Variants in DRC10 observed in about 807,000 individuals in gnomAD.
DRC10 encodes dynein regulatory complex subunit 10.
the DRC10 span, among the ~76,000 whole-genome samples, chr12:113,212,784 C>T: frequency 6.6e-6 from 1 of 152,144 alleles, no homozygotes; most frequent in Non-Finnish European, 1.5e-5. Context: ...TTCCTTGAAT[C>T]CTAATATGAT....
chr12:113,201,031 C>T, the DRC10 span, among the ~76,000 whole-genome samples: 2 of 151,970 alleles, frequency 1.3e-5, no homozygotes, highest in African/African-American at 4.8e-5. Context: ...CCCAGCTACT[C>T]GGGAGGCTGA....
At chr12:113,196,568 C>A in the DRC10 span, among the ~76,000 whole-genome samples, 4 of 152,162 alleles carry the variant, frequency 2.6e-5, no homozygotes, top group African/African-American at 9.7e-5. Flanking sequence ...CTCATGGGAC[C>A]CAGAGAAATG....
the DRC10 span, among the ~76,000 whole-genome samples, chr12:113,198,358 A>T: frequency 2.0e-5 from 3 of 152,344 alleles, no homozygotes; most frequent in Non-Finnish European, 2.9e-5. Context: ...AGGAGGCTGT[A>T]TTCTCAGGAA....
At chr12:113,209,152 A>AAACTCCTGACCTCCCGTG in the DRC10 span, among the ~76,000 whole-genome samples, 17,292 of 151,624 alleles carry the variant, frequency 0.11, 1,161 homozygotes, top group East Asian at 0.21. Context: ...GGCTGTTCTC[A>AAACTCCTGACCTCCCGTG]ATCCACCTGC....
chr12:113,196,222 C>T, the DRC10 span, among the ~76,000 whole-genome samples: 710 of 152,222 alleles, frequency 4.7e-3, 6 homozygotes, highest in African/African-American at 0.016. Context: ...AACATGGGGA[C>T]GATTCCGAAG....
the DRC10 span, chr12:113,200,079 T>A: frequency 3.5e-6 from 1 of 287,190 alleles, no homozygotes; most frequent in Non-Finnish European, 6.9e-6. Context: ...ACACTTACTA[T>A]GCACCAGCTC....
At chr12:113,197,474 C>G in the DRC10 span, 4 of 1,117,978 alleles carry the variant, frequency 3.6e-6, no homozygotes, top group South Asian at 5.3e-5. Context: ...GCTACTTTTC[C>G]CATTCATCCC....
chr12:113,202,412 T>C, the DRC10 span, among the ~76,000 whole-genome samples: 2 of 152,104 alleles, frequency 1.3e-5, no homozygotes, highest in African/African-American at 2.4e-5. Flanking sequence ...TCCCAGGGCC[T>C]TGAACCTTTC....
the DRC10 span, among the ~76,000 whole-genome samples, chr12:113,206,411 C>T: frequency 6.6e-6 from 1 of 152,092 alleles, no homozygotes. Context: ...TTGTTTCCCT[C>T]TGCCTTTGCC....
the DRC10 span, chr12:113,197,729 A>G: frequency 1.5e-6 from 1 of 687,086 alleles, no homozygotes. Flanking sequence ...CTATTGAACA[A>G]GGAGGTTCCC....
At chr12:113,198,062 C>T in the DRC10 span, among the ~76,000 whole-genome samples, 147 of 152,180 alleles carry the variant, frequency 9.7e-4, no homozygotes, top group Non-Finnish European at 1.6e-3. Context: ...ACTAAAGATA[C>T]AAAAATTAGC....
the DRC10 span, among the ~76,000 whole-genome samples, chr12:113,198,933 A>G: frequency 6.6e-6 from 1 of 151,090 alleles, no homozygotes; most frequent in Admixed American, 6.6e-5. Flanking sequence ...TCCACAAAAA[A>G]TGATACTTTT....
the DRC10 span, chr12:113,200,565 T>A: frequency 7.4e-7 from 1 of 1,353,812 alleles, no homozygotes; most frequent in Non-Finnish European, 9.9e-7. Context: ...CCATCCTCGC[T>A]GCTTCCCGGG....
chr12:113,207,363 CA>C, the DRC10 span: 1 of 1,243,180 alleles, frequency 8.0e-7, no homozygotes, highest in Non-Finnish European at 1.2e-6. Context: ...AAAAATCAAT[CA>C]TTGAGGAAAA....
the DRC10 span, among the ~76,000 whole-genome samples, chr12:113,210,477 C>T: frequency 6.6e-6 from 1 of 152,086 alleles, no homozygotes; most frequent in Non-Finnish European, 1.5e-5. Flanking sequence ...CACCTACTGC[C>T]TTGGCCAAGC....
the DRC10 span, among the ~76,000 whole-genome samples, chr12:113,219,278 C>T: frequency 6.6e-6 from 1 of 152,246 alleles, no homozygotes; most frequent in African/African-American, 2.4e-5. Flanking sequence ...TCAGGTGATC[C>T]ACCTGCCTGT....
the DRC10 span, chr12:113,207,434 A>ATAT: frequency 3.1e-6 from 5 of 1,605,024 alleles, no homozygotes; most frequent in Non-Finnish European, 4.3e-6. Flanking sequence ...CTATGAAACA[A>ATAT]TACCTCTGCA....
chr12:113,216,837 G>A, the DRC10 span, among the ~76,000 whole-genome samples: 1 of 151,964 alleles, frequency 6.6e-6, no homozygotes, highest in Non-Finnish European at 1.5e-5. Flanking sequence ...AGGACTTTGG[G>A]AGCACTTTGG....
the DRC10 span, chr12:113,195,956 C>T: frequency 1.8e-5 from 28 of 1,517,750 alleles, no homozygotes; most frequent in African/African-American, 1.4e-5. Context: ...CTCCCTGAGG[C>T]CCCCTTACCC....
Sources: allele counts gnomAD v4.1 joint callset (sites outside exome capture counted in the v4.1 genomes callset), GRCh38; gene constraint gnomAD v4.1.1; transcripts MANE v1.5; gene names NCBI Gene and HGNC (gene_info 2026-07-23, HGNC 2026-07-21).